The following NBPF20 variants were observed in gnomAD, a reference collection of about 807,000 sequenced individuals.
NBPF20 encodes NBPF member 20.
Under a neutral mutation model 68.1 loss-of-function variants are expected in NBPF20, and 90 were observed. That is an observed-to-expected ratio of 1.32 (90% CI 1.11 to 1.58). The LOEUF is 1.58. Ranked by LOEUF, NBPF20 falls within the 40% of genes most tolerant of loss-of-function variation. The pLI is 0.00. For missense variants in NBPF20, 816 were observed against 601.2 expected, an observed-to-expected ratio of 1.36 and a Z score of -3.74; for synonymous variants, 290 against 228.1, an observed-to-expected ratio of 1.27 and a Z score of -2.45.
chr1:145,404,310 G>A (rs1265683556), intron 2 of NBPF20, among the ~76,000 whole-genome samples: 1 of 151,712 alleles, frequency 6.6e-6, no homozygotes, highest in Non-Finnish European at 1.5e-5. Context: ...CCATGCTGGA[G>A]TGCAATAGTG....
exon 5 of NBPF20, chr1:145,401,124 G>A: frequency 7.5e-6 from 12 of 1,605,162 alleles, no homozygotes; most frequent in South Asian, 4.4e-5. Context: ...CGTCATCGTT[G>A]TCATTTTCTG....
exon 3 of NBPF20, chr1:145,403,247 C>G: frequency 6.2e-7 from 1 of 1,612,646 alleles, no homozygotes; most frequent in Non-Finnish European, 8.5e-7. Flanking sequence ...AGCTGCTCTG[C>G]AAGCTTCTCC....
At chr1:145,414,962 T>A in the NBPF20 span, among the ~76,000 whole-genome samples, 1 of 151,924 alleles carries the variant, frequency 6.6e-6, no homozygotes, top group Non-Finnish European at 1.5e-5. Flanking sequence ...AGAGACAAAG[T>A]ACAGAGGAAG....
chr1:145,425,210 CG>C, the NBPF20 span, among the ~76,000 whole-genome samples: 2 of 152,148 alleles, frequency 1.3e-5, no homozygotes, highest in Non-Finnish European at 2.9e-5. Flanking sequence ...CCGGCGGGGC[CG>C]GAACACACGC....
chr1:145,396,302 G>GA (rs1662230758), intron 7 of NBPF20, among the ~76,000 whole-genome samples: 1 of 151,866 alleles, frequency 6.6e-6, no homozygotes, highest in African/African-American at 2.4e-5. Context: ...GAAGTTTAGA[G>GA]AAAAAAGAGT....
rs1445071735 is a variant in NBPF20 at position 145,291,726 on chromosome 1, G to A, written c.16741C>T (p.Gln5581Ter). The change falls in exon 138 of 138, where the codon CAG (glutamine) becomes TAG (stop). Residue 5581 changes from glutamine to a stop codon, truncating the protein, a stop_gained. Coordinates refer to ENST00000369373, the Ensembl canonical transcript of NBPF20. LOFTEE classifies it high-confidence loss of function. ...GAATAACATCCATCCAGTGAGTCCT[G>A]TAAGACTTCAGGCTCTTCCACTTCC... The A allele has an allele frequency of 3.1e-6, 5 of 1,611,942 alleles. No individual in the cohort carries two copies. The highest frequency in any genetic ancestry group is 2.2e-5 in the South Asian group (2 of 90,988).
chr1:145,290,308 G>A (rs1553656975), exon 138 of NBPF20: 1 of 149,174 alleles, frequency 6.7e-6, no homozygotes, highest in African/African-American at 2.6e-5. Flanking sequence ...AAAAGGGACA[G>A]ATCTCCTAGA....
chr1:145,292,726 G>C (rs1454996867), intron 136 of NBPF20, among the ~76,000 whole-genome samples: 2 of 138,258 alleles, frequency 1.4e-5, no homozygotes, highest in Admixed American at 7.2e-5. Flanking sequence ...AATATCATTT[G>C]TCCCAAGTTT....
exon 5 of NBPF20, chr1:145,401,112 A>T: frequency 6.2e-7 from 1 of 1,606,740 alleles, no homozygotes. Flanking sequence ...GAACATCTTC[A>T]TCGTCATCGT....
At chr1:145,291,921 T>C in intron 137 of NBPF20, 152 bp from the exon 143 acceptor site, 9 of 1,509,828 alleles carry the variant, frequency 6.0e-6, no homozygotes, top group Non-Finnish European at 8.0e-6. Context: ...GCCTATATGT[T>C]GGGATAGAAC....
chr1:145,424,166 G>A, the NBPF20 span, among the ~76,000 whole-genome samples: 2 of 148,468 alleles, frequency 1.3e-5, no homozygotes, highest in Non-Finnish European at 3.0e-5. Flanking sequence ...AGTAGAGATA[G>A]GGTTTTGGCA....
At chr1:145,398,288 G>A (rs1341154648) in intron 7 of NBPF20, among the ~76,000 whole-genome samples, 2 of 151,540 alleles carry the variant, frequency 1.3e-5, no homozygotes, top group Non-Finnish European at 2.9e-5. Flanking sequence ...ATTCTTCTCA[G>A]CACCACATCA....
At chr1:145,393,718 A>T in intron 9 of NBPF20, 166 bp downstream of exon 14, 2 of 1,494,924 alleles carry the variant, frequency 1.3e-6, no homozygotes, top group South Asian at 1.1e-5. Context: ...GAAGAAATGG[A>T]AACCTAAACA....
chr1:145,397,131 G>A (rs1417623599), intron 7 of NBPF20, among the ~76,000 whole-genome samples: 1 of 144,950 alleles, frequency 6.9e-6, no homozygotes, highest in Non-Finnish European at 1.5e-5. Context: ...GTATTCCATG[G>A]TGTATATGTG....
Position 145,405,242 on chromosome 1 carries a change from C to A in NBPF20, c.31G>T (p.Glu11Ter). ...TCTAGAATGTTCATCTCTGCCTTCTCGCTGGACCAAGGGCCGGCTGATACC... is the reference window on the plus strand; with the variant it reads ...TCTAGAATGTTCATCTCTGCCTTCTAGCTGGACCAAGGGCCGGCTGATACC... Residue 11 changes from glutamate to a stop codon, truncating the protein, a stop_gained, in exon 2 of 138, where the codon GAG (glutamate) becomes TAG (stop). Transcript: ENST00000369373. LOFTEE classifies it high-confidence loss of function. The A allele has an allele frequency of 6.2e-7, 1 of 1,610,416 alleles. No homozygotes were observed.
At chr1:145,410,302 C>T (rs1399088982), upstream of NBPF20, among the ~76,000 whole-genome samples, 3 of 151,706 alleles carry the variant, frequency 2.0e-5, no homozygotes, top group Admixed American at 1.3e-4. Context: ...TGCTAATTGA[C>T]CATTCATGTA....
the NBPF20 span, among the ~76,000 whole-genome samples, chr1:145,424,028 T>G: frequency 1.4e-5 from 2 of 142,118 alleles, no homozygotes; most frequent in East Asian, 4.1e-4. Flanking sequence ...CAGGCGGGAG[T>G]GCACTGCCAT....
In NBPF20 at chr1:145,405,183, C is replaced by A. The variant is rs782162719; in HGVS notation, c.90G>T (p.Glu30Asp). 4 of 1,613,100 alleles carry A rather than the reference C, an allele frequency of 2.5e-6. No individual in the cohort carries two copies. The African/African-American group carries it at 4.0e-5, about 16-fold the overall frequency. Residue 30 changes from glutamate (E) to aspartate (D), a missense_variant, in exon 2 of 138, where the codon GAG (glutamate) becomes GAT (aspartate). By Grantham distance (45) the Glu-to-Asp change is conservative. Transcript: ENST00000369373. ...TGAGGTTTCCGAACTGCTGTTTGTTCTCTGCCAACTGGGGGCGCAATTTCT... is the reference window on the plus strand; with the variant it reads ...TGAGGTTTCCGAACTGCTGTTTGTTATCTGCCAACTGGGGGCGCAATTTCT...
Position 145,337,664 on chromosome 1 carries a change from G to GC in NBPF20, c.9690_9691insG (p.His3231AlafsTer7). On this transcript the variant is annotated frameshift_variant, in exon 80 of 138. Transcript: ENST00000369373. LOFTEE classifies it high-confidence loss of function. Reference sequence around the variant, plus strand: ...CCCACGTCAAGAGAAAAGCCAACATGTTTTTCCTCCAATGCATAAAAGGAA... The same window carrying GC: ...CCCACGTCAAGAGAAAAGCCAACATGCTTTTTCCTCCAATGCATAAAAGGAA... 3.1e-5 allele frequency: 2 copies of GC among 63,962 alleles called. No homozygotes were observed. The highest frequency in any genetic ancestry group is 1.5e-4 in the South Asian group (2 of 13,208). 4.0% of individuals were successfully genotyped at this position (63,962 alleles called of 1,614,324 possible).
Sources: allele counts gnomAD v4.1 joint callset (sites outside exome capture counted in the v4.1 genomes callset), GRCh38; gene constraint gnomAD v4.1.1; transcripts MANE v1.5; gene names NCBI Gene and HGNC (gene_info 2026-07-23, HGNC 2026-07-21).